The following ZNF829 variants were observed in gnomAD, a reference collection of about 807,000 sequenced individuals.
ZNF829 encodes zinc finger protein 829.
A neutral mutation model predicts 35.2 loss-of-function variants in ZNF829; 25 were observed. The ratio of observed to expected loss-of-function variants is 0.71; its 90% CI spans 0.52 to 0.99. The LOEUF (loss-of-function observed/expected upper bound fraction) is 0.99, where lower values mean the gene tolerates loss of function less well. Among genes scored for constraint, ZNF829 ranks in the 50% least tolerant of loss-of-function variants. The probability of loss-of-function intolerance (pLI) is 0.00; values close to 1 mark genes in which losing one functional copy is unlikely to be tolerated. For missense variants in ZNF829, 417 were observed against 515.3 expected, an observed-to-expected ratio of 0.81 and a Z score of 1.85; for synonymous variants, 136 against 163.2, an observed-to-expected ratio of 0.83 and a Z score of 1.27.
In ZNF829 at chr19:36,908,355, A is replaced by G; in HGVS notation, c.201T>C (p.Asn67=). 1.2e-6 allele frequency: 2 copies of G among 1,613,438 alleles called. No individual in the cohort carries two copies. The highest frequency in any genetic ancestry group is 1.7e-6 in the Non-Finnish European group (2 of 1,179,694). Reference sequence around the variant, plus strand: ...TACCCACTGAAACCAGGTTGCTGAAATTCTCCAACATCACTTCTTTGTATA... The same window carrying G: ...TACCCACTGAAACCAGGTTGCTGAAGTTCTCCAACATCACTTCTTTGTATA... ...MNLYKEVMLE[N]FSNLVSVGLS... The change falls in exon 4 of 6, where the codon AAT becomes AAC. Residue 67 remains asparagine (N), a synonymous_variant. Coordinates refer to ENST00000391711, the MANE Select transcript of ZNF829 (RefSeq NM_001037232.4).
chr19:36,903,342 G>A (rs978655143), intron 5 of ZNF829, among the ~76,000 whole-genome samples: 2 of 152,068 alleles, frequency 1.3e-5, no homozygotes, highest in Non-Finnish European at 2.9e-5. Context: ...TTTTGTTTTT[G>A]GGTCAAGGGT....
chr19:36,915,700 T>G (rs1004726914), intron 1 of ZNF829: 1 of 679,170 alleles, frequency 1.5e-6, no homozygotes, highest in African/African-American at 1.8e-5. Flanking sequence ...CGGGTTCAAG[T>G]GATTCTCCTG....
At chr19:36,905,292 TATAAA>T (rs934744027) in intron 5 of ZNF829, 15 of 152,064 alleles carry the variant, frequency 9.9e-5, no homozygotes, top group African/African-American at 3.6e-4. Flanking sequence ...CAGACTAGTG[TATAAA>T]ATTAAAAAGT....
chr19:36,908,071 C>T (rs752778719), intron 4 of ZNF829, 47 bp from the exon 5 acceptor site: 4 of 1,528,128 alleles, frequency 2.6e-6, no homozygotes, highest in Non-Finnish European at 2.7e-6. Context: ...GTGGGGTCCC[C>T]AGAAATCAGA....
intron 3 of ZNF829, among the ~76,000 whole-genome samples, chr19:36,911,838 G>A (rs1328237198): frequency 6.6e-6 from 1 of 152,196 alleles, no homozygotes; most frequent in African/African-American, 2.4e-5. Context: ...ACAAAGGAAT[G>A]GATCACAGAA....
At position 36,907,967 on chromosome 19, in the gene ZNF829, C is replaced by T; in HGVS notation, c.281G>A (p.Trp94Ter). Reference protein sequence around the residue: ...ISLLEQGKEPWMVDRELTRGL... With the variant: ...ISLLEQGKEP Reference sequence around the variant, plus strand: ...TCTAGTCAGCTCTCTATCAACCATCCAGGGCTCTTTTCCTTGTTCCAATAA... The same window carrying T: ...TCTAGTCAGCTCTCTATCAACCATCTAGGGCTCTTTTCCTTGTTCCAATAA... Residue 94 changes from tryptophan to a stop codon, truncating the protein, a stop_gained, in exon 5 of 6, where the codon TGG becomes TAG. Coordinates refer to ENST00000391711, the MANE Select transcript of ZNF829 (RefSeq NM_001037232.4). LOFTEE classifies it high-confidence loss of function. 6.2e-7 allele frequency: 1 copy of T among 1,614,000 alleles called. No homozygotes were observed. The highest frequency in any genetic ancestry group is 8.5e-7 in the Non-Finnish European group (1 of 1,179,960).
intron 3 of ZNF829, among the ~76,000 whole-genome samples, chr19:36,911,172 G>A (rs1244905276): frequency 1.3e-5 from 2 of 152,012 alleles, no homozygotes; most frequent in African/African-American, 4.8e-5. Flanking sequence ...CCTTAGACTT[G>A]TGGCTGGTGT....
At chr19:36,908,506 A>G in intron 3 of ZNF829, 47 bp from the exon 4 acceptor site, 1 of 1,563,072 alleles carries the variant, frequency 6.4e-7, no homozygotes, top group Non-Finnish European at 8.6e-7. Context: ...AAAGAAAAAG[A>G]TGGCGGTAGA....
chr19:36,903,670 C>T (rs2073190769), intron 5 of ZNF829, among the ~76,000 whole-genome samples: 1 of 152,080 alleles, frequency 6.6e-6, no homozygotes, highest in Non-Finnish European at 1.5e-5. Flanking sequence ...GTGGGTGGAA[C>T]ACCTGAAGTC....
rs2073017182 is a variant in ZNF829 at position 36,888,345 on chromosome 19, C to G, written c.*3147G>C. 6.6e-6 allele frequency: 1 copy of G among 152,136 alleles called. No individual in the cohort carries two copies. Among genetic ancestry groups the G allele is most frequent in the South Asian group, 2.1e-4 (1 of 4,830 alleles). 9.4% of individuals were successfully genotyped at this position (152,136 alleles called of 1,614,324 possible). ...CAGTGTTATTACCACAATATAGTGT[C>G]AAACCGTCAATGCAAAAATCTTTAA... On this transcript the variant is annotated 3_prime_UTR_variant, in exon 6 of 6. Transcript: ENST00000391711.
At chr19:36,913,446 C>T (rs1053375734) in intron 3 of ZNF829, among the ~76,000 whole-genome samples, 1 of 152,040 alleles carries the variant, frequency 6.6e-6, no homozygotes, top group African/African-American at 2.4e-5. Flanking sequence ...AGTGTTGAAA[C>T]ACAAACTGAA....
chr19:36,908,363 A>G lies in ZNF829; in HGVS notation c.193T>C (p.Leu65=). 6.2e-7 allele frequency: 1 copy of G among 1,613,690 alleles called. No homozygotes were observed. ...DQMNLYKEVM[L]ENFSNLVSVG... ...GAAACCAGGTTGCTGAAATTCTCCA[A>G]CATCACTTCTTTGTATAAATTCATC... The change falls in exon 4 of 6, where the codon TTG becomes CTG. Residue 65 remains leucine, a synonymous_variant. Coordinates refer to ENST00000391711, the MANE Select transcript of ZNF829 (RefSeq NM_001037232.4).
intron 5 of ZNF829, chr19:36,906,930 T>C (rs1352060555): frequency 6.6e-6 from 1 of 151,098 alleles, no homozygotes; most frequent in African/African-American, 2.4e-5. Flanking sequence ...CTACTAAAAA[T>C]ACAAAAAATT....
intron 5 of ZNF829, among the ~76,000 whole-genome samples, chr19:36,904,787 A>G (rs1049320109): frequency 6.6e-6 from 1 of 152,206 alleles, no homozygotes; most frequent in African/African-American, 2.4e-5. Flanking sequence ...ATTATTTTAA[A>G]ATGAAAAAGG....
chr19:36,904,981 TC>T (rs1415811842), intron 5 of ZNF829, among the ~76,000 whole-genome samples: 1 of 152,138 alleles, frequency 6.6e-6, no homozygotes, highest in Non-Finnish European at 1.5e-5. Context: ...CTCCCTAGGT[TC>T]CTAGAGCTTT....
At chr19:36,902,121 C>T (rs2073171893) in intron 5 of ZNF829, 1 of 347,016 alleles carries the variant, frequency 2.9e-6, no homozygotes. Context: ...GAGAACTAAT[C>T]ACTGATTGTC....
In ZNF829 at chr19:36,891,868, T is replaced by G. The variant is rs997915354; in HGVS notation, c.923A>C (p.His308Pro). 1.9e-5 allele frequency: 31 copies of G among 1,613,784 alleles called. No homozygotes were observed. Among genetic ancestry groups the G allele is most frequent in the Non-Finnish European group, 2.5e-5 (29 of 1,179,946 alleles). The part of the protein sequence containing the change: ...CKECGKAFTQ[H>P]SRLIQHQRMH... ...TCTCTGATGCTGAATAAGCCTTGAG[T>G]GTTGAGTAAAGGCTTTCCCACATTC... Residue 308 changes from histidine to proline, a missense_variant, in exon 6 of 6, where the codon CAC becomes CCC. His to Pro is a moderately conservative substitution (Grantham distance 77). Transcript: ENST00000391711.
In ZNF829 at chr19:36,891,499, G is replaced by A. The variant is rs1298315140; in HGVS notation, c.1292C>T (p.Thr431Ile). ...GTCTTACTTTACTGTCATTCAACCAGTATGAATTCCCTCATGGCGAATGAG... is the reference window on the plus strand; with the variant it reads ...GTCTTACTTTACTGTCATTCAACCAATATGAATTCCCTCATGGCGAATGAG... ...SDLIRHEGIH[T>I]G The change falls in exon 6 of 6, where the codon ACT becomes ATT. Residue 431 changes from threonine (T) to isoleucine (I), a missense_variant. By Grantham distance (89) the Thr-to-Ile change is moderately conservative. Coordinates refer to ENST00000391711, the MANE Select transcript of ZNF829 (RefSeq NM_001037232.4). The A allele has an allele frequency of 1.3e-6, 2 of 1,553,124 alleles. No homozygotes were observed. The highest frequency in any genetic ancestry group is 1.7e-6 in the Non-Finnish European group (2 of 1,154,842).
In ZNF829 at chr19:36,889,483, C is replaced by G. The variant is rs1297320625; in HGVS notation, c.*2009G>C. On this transcript the variant is annotated 3_prime_UTR_variant, in exon 6 of 6. Transcript: ENST00000391711. ...TGATTCAATTTCAATACTCAGTAGT[C>G]TGTTGAGGATTCCTATTTCTCCCTG... is the stretch of plus-strand genomic sequence containing the variant. 2 of 152,088 alleles carry G rather than the reference C, an allele frequency of 1.3e-5. No homozygotes were observed. The highest frequency in any genetic ancestry group is 4.8e-5 in the African/African-American group (2 of 41,412). The allele number at this position is 152,088 out of a possible 1,614,324, so 9.4% of individuals were successfully genotyped here.
Sources: allele counts gnomAD v4.1 joint callset (sites outside exome capture counted in the v4.1 genomes callset), GRCh38; gene constraint gnomAD v4.1.1; transcripts MANE v1.5; gene names NCBI Gene and HGNC (gene_info 2026-07-23, HGNC 2026-07-21).